Variants in SUGCT observed in about 807,000 individuals in gnomAD.
The protein encoded by SUGCT is succinyl-CoA:glutarate CoA-transferase.
A neutral mutation model predicts 55.0 loss-of-function variants in SUGCT; 41 were observed. That is an observed-to-expected ratio of 0.74 (90% confidence interval 0.58 to 0.97). SUGCT has a LOEUF of 0.97. Ranked by LOEUF, SUGCT falls within the 50% of genes least tolerant of loss-of-function variation. The pLI, the probability that SUGCT is intolerant of heterozygous loss-of-function variation, is 0.00. For missense variants in SUGCT, 568 were observed against 547.8 expected (o/e 1.04, Z -0.37); for synonymous variants, 187 against 200.4 (o/e 0.93, Z 0.56).
intron 11 of SUGCT, among the ~76,000 whole-genome samples, chr7:40,470,374 T>C (rs186527286): frequency 5.3e-5 from 8 of 152,230 alleles, no homozygotes; most frequent in African/African-American, 1.9e-4. Context: ...CTGATGTTTC[T>C]AGTAAGGGCC....
intron 9 of SUGCT, among the ~76,000 whole-genome samples, chr7:40,356,299 T>G (rs1321930800): frequency 6.6e-6 from 1 of 152,232 alleles, no homozygotes; most frequent in Non-Finnish European, 1.5e-5. Context: ...AATTTTAGAT[T>G]GAATTCATTA....
rs141157249 is a variant in SUGCT at position 40,779,936 on chromosome 7, C to T, written c.1153+30439C>T. ...TTAATAAACACACAAAGGGTTTTAC[C>T]TGATGGCTCTGTAAGGTACAGTGCT... On this transcript the variant is annotated intron_variant, in intron 13 of 13. Coordinates refer to ENST00000335693, the MANE Select transcript of SUGCT (RefSeq NM_001193313.2). 6.6e-4 allele frequency among the ~76,000 whole-genome samples: 101 copies of T among 152,268 alleles called. 3 individuals are homozygous for T. The East Asian group carries it at 0.019, about 28-fold the overall frequency.
At chr7:40,669,224 C>T (rs1337767048) in intron 12 of SUGCT, among the ~76,000 whole-genome samples, 1 of 151,858 alleles carries the variant, frequency 6.6e-6, no homozygotes, top group Non-Finnish European at 1.5e-5. Flanking sequence ...ACCTAGACTT[C>T]TACTCTAACC....
chr7:40,540,680 A>T (rs547851682), intron 12 of SUGCT, among the ~76,000 whole-genome samples: 1 of 152,374 alleles, frequency 6.6e-6, no homozygotes, highest in African/African-American at 2.4e-5. Flanking sequence ...GGAAGTTGCC[A>T]AGGCAGAACT....
intron 12 of SUGCT, among the ~76,000 whole-genome samples, chr7:40,612,023 T>TAA (rs1554384826): frequency 6.6e-6 from 1 of 151,924 alleles, no homozygotes; most frequent in Non-Finnish European, 1.5e-5. Context: ...TTTTTTTTTT[T>TAA]ACAACAGATC....
At chr7:40,137,741 C>T (rs1222834393) in intron 1 of SUGCT, among the ~76,000 whole-genome samples, 12 of 152,070 alleles carry the variant, frequency 7.9e-5, no homozygotes, top group African/African-American at 1.9e-4. Context: ...AGTGCAGTGG[C>T]GCAATCCCAG....
intron 6 of SUGCT, among the ~76,000 whole-genome samples, chr7:40,204,443 C>T (rs1175022667): frequency 6.6e-6 from 1 of 151,984 alleles, no homozygotes; most frequent in African/African-American, 2.4e-5. Context: ...GCTGGGACTA[C>T]AGGTGCCCGC....
chr7:40,551,801 A>T (rs958668878), intron 12 of SUGCT, among the ~76,000 whole-genome samples: 1 of 152,204 alleles, frequency 6.6e-6, no homozygotes, highest in African/African-American at 2.4e-5. Context: ...AATTATTCTG[A>T]CCAGTACAGG....
chr7:40,843,895 G>A (rs1793416008), intron 13 of SUGCT, among the ~76,000 whole-genome samples: 1 of 152,178 alleles, frequency 6.6e-6, no homozygotes, highest in South Asian at 2.1e-4. Flanking sequence ...AGGAAAGCCT[G>A]CAGGCAGGGA....
chr7:40,410,725 A>G (rs1467655353), intron 9 of SUGCT, among the ~76,000 whole-genome samples: 4 of 152,152 alleles, frequency 2.6e-5, no homozygotes, highest in African/African-American at 9.7e-5. Flanking sequence ...GTATCTGAAG[A>G]TATCATTCTG....
chr7:40,279,926 C>T lies in SUGCT; in HGVS notation c.720+5270C>T, dbSNP rs183231900. On this transcript the variant is annotated intron_variant, in intron 8 of 13. Coordinates refer to ENST00000335693, the MANE Select transcript of SUGCT (RefSeq NM_001193313.2). ...TAACATTTGAATTTAATTTCAGCTG[C>T]GTGAGAATGAATACAATTTCATGCA... is the stretch of plus-strand genomic sequence containing the variant. Among the ~76,000 whole-genome samples the T allele has an allele frequency of 4.3e-3, 653 of 152,052 alleles. 6 individuals are homozygous for T. Among genetic ancestry groups the T allele is most frequent in the African/African-American group, 0.014 (598 of 41,474 alleles).
chr7:40,883,199 C>T, the SUGCT span, among the ~76,000 whole-genome samples: 1 of 152,284 alleles, frequency 6.6e-6, no homozygotes, highest in African/African-American at 2.4e-5. Flanking sequence ...CTGTCCAGCT[C>T]ATGAACTGCA....
At chr7:40,286,404 G>A (rs1244905331) in intron 8 of SUGCT, among the ~76,000 whole-genome samples, 2 of 152,076 alleles carry the variant, frequency 1.3e-5, no homozygotes, top group Non-Finnish European at 2.9e-5. Context: ...AGTTTCATTA[G>A]GCCCACATGG....
chr7:40,982,018 A>G, the SUGCT span, among the ~76,000 whole-genome samples: 1 of 152,222 alleles, frequency 6.6e-6, no homozygotes, highest in Non-Finnish European at 1.5e-5. Context: ...ATTAGCCATT[A>G]AACCATCATG....
At chr7:40,980,793 C>T in the SUGCT span, among the ~76,000 whole-genome samples, 15 of 152,224 alleles carry the variant, frequency 9.9e-5, no homozygotes, top group African/African-American at 3.6e-4. Context: ...GCCTCCTGAG[C>T]TCAGGTGATC....
At chr7:40,831,805 G>T (rs1171194388) in intron 13 of SUGCT, among the ~76,000 whole-genome samples, 1 of 152,194 alleles carries the variant, frequency 6.6e-6, no homozygotes, top group African/African-American at 2.4e-5. Context: ...CCTGAATTCA[G>T]CAGGGCTGGC....
At chr7:40,760,887 A>T (rs902074568) in intron 13 of SUGCT, among the ~76,000 whole-genome samples, 32 of 152,242 alleles carry the variant, frequency 2.1e-4, no homozygotes, top group Non-Finnish European at 2.6e-4. Context: ...ATAATAATAA[A>T]TGTCCAGTGC....
At chr7:40,287,096 T>C (rs1349340667) in intron 8 of SUGCT, among the ~76,000 whole-genome samples, 1 of 152,246 alleles carries the variant, frequency 6.6e-6, no homozygotes. Context: ...TTGCTGATCT[T>C]GGCATAGGTG....
intron 12 of SUGCT, among the ~76,000 whole-genome samples, chr7:40,711,237 C>T (rs931230143): frequency 6.6e-6 from 1 of 152,156 alleles, no homozygotes; most frequent in Non-Finnish European, 1.5e-5. Flanking sequence ...GGAGGCTGGG[C>T]GCGGTGGCCC....
Sources: gnomAD v4.1 joint callset for allele counts (sites outside exome capture counted in the v4.1 genomes callset) on GRCh38, gnomAD v4.1.1 for gene constraint, MANE v1.5 for transcripts, NCBI Gene and HGNC (gene_info 2026-07-23, HGNC 2026-07-21) for gene names.